Variants in SVEP1 observed in about 807,000 individuals in gnomAD.
SVEP1 encodes the protein sushi, von Willebrand factor type A, EGF and pentraxin domain containing 1, also known as sushi, von Willebrand factor type A, EGF and pentraxin domain-containing protein 1.
A neutral mutation model predicts 367.3 loss-of-function variants in SVEP1; 164 were observed. The ratio of observed to expected loss-of-function variants is 0.45; its 90% confidence interval spans 0.39 to 0.51. The LOEUF (loss-of-function observed/expected upper bound fraction) is 0.51. Ranked by LOEUF, SVEP1 falls within the 20% of genes least tolerant of loss-of-function variation. SVEP1 has a pLI of 0.00. For synonymous variants in SVEP1, 1,666 were observed against 1,611.6 expected (o/e 1.03, Z -0.81); for missense variants, 4,117 against 4,425.3 (o/e 0.93, Z 1.98).
At chr9:110,500,420 T>C (rs970470191) in intron 6 of SVEP1, among the ~76,000 whole-genome samples, 13 of 152,328 alleles carry the variant, frequency 8.5e-5, no homozygotes, top group Non-Finnish European at 1.6e-4. Flanking sequence ...TGTTTGTTTA[T>C]GGTACTTACG....
In SVEP1 at chr9:110,448,593, T is replaced by C. The variant is rs905484013; in HGVS notation, c.4103+1466A>G. ...GTTTGGTGTCATTACAACACTATCA[T>C]ATCCTCATCTATGAAATAGATTCAC... On this transcript the variant is annotated intron_variant, in intron 24 of 47. Transcript: ENST00000374469. 7.0e-4 allele frequency among the ~76,000 whole-genome samples: 106 copies of C among 152,242 alleles called. 1 individual carries two copies. The highest frequency in any genetic ancestry group is 6.9e-3 in the Admixed American group (106 of 15,290).
intron 1 of SVEP1, among the ~76,000 whole-genome samples, chr9:110,553,379 T>C (rs1487051308): frequency 3.3e-5 from 5 of 152,226 alleles, no homozygotes; most frequent in African/African-American, 1.2e-4. Flanking sequence ...AAATTAAATT[T>C]AGTATTGGGG....
chr9:110,394,809 A>G (rs1199553417), intron 40 of SVEP1, among the ~76,000 whole-genome samples: 1 of 152,184 alleles, frequency 6.6e-6, no homozygotes, highest in African/African-American at 2.4e-5. Flanking sequence ...AGAAAAAAGA[A>G]TAAAAAGAAA....
At chr9:110,381,705 G>A (rs1766759171) in intron 43 of SVEP1, among the ~76,000 whole-genome samples, 1 of 152,138 alleles carries the variant, frequency 6.6e-6, no homozygotes, top group South Asian at 2.1e-4. Flanking sequence ...TGTCTATCAA[G>A]ACCACTTGAT....
Position 110,391,619 on chromosome 9 carries a change from T to C in SVEP1, c.9823-2032A>G, listed in dbSNP as rs186856720. ...GAAGTATTAATAGATAATTAACCTTTAAACTTTTGGAAACATCCTGGTATT... is the reference window on the plus strand; with the variant it reads ...GAAGTATTAATAGATAATTAACCTTCAAACTTTTGGAAACATCCTGGTATT... On this transcript the variant is annotated intron_variant, in intron 40 of 47. Coordinates refer to ENST00000374469, the MANE Select transcript of SVEP1 (RefSeq NM_153366.4). Among the ~76,000 whole-genome samples the C allele has an allele frequency of 4.5e-3, 692 of 152,206 alleles. 3 individuals carry two copies. The highest frequency in any genetic ancestry group is 0.014 in the Middle Eastern group (4 of 294).
rs1419718050 is a variant in SVEP1 at position 110,528,154 on chromosome 9, GTGTATATATATATA to G, written c.965-14062_965-14049del. Among the ~76,000 whole-genome samples the G allele has an allele frequency of 3.5e-4, 9 of 25,704 alleles. 1 individual carries two copies. The highest frequency in any genetic ancestry group is 7.7e-4 in the African/African-American group (8 of 10,342). The allele number at this position is 25,704 out of a possible 152,430, so 16.9% of individuals were successfully genotyped here. ...CACGTGTGTGTGTGTGTGTGTGTGT[GTGTATATATATATA>G]TATATATATATATATATATGCCACA... On this transcript the variant is annotated intron_variant, in intron 3 of 47. Transcript: ENST00000374469.
intron 40 of SVEP1, among the ~76,000 whole-genome samples, chr9:110,391,518 C>T (rs10817005): frequency 0.31 from 46,427 of 151,920 alleles, 7,199 homozygotes; most frequent in Middle Eastern, 0.33. Context: ...GTGACCTACC[C>T]GCCTCAGCCT....
rs181096740 is a variant in SVEP1, at chr9:110,479,659, T to C, written c.2463A>G (p.Ala821=). The C allele has an allele frequency of 4.0e-5, 65 of 1,609,902 alleles. No homozygotes were observed. The East Asian group carries it at 1.4e-3, about 34-fold the overall frequency. ...CCATTTTTCCCAGGGTCGTCTCAAA[T>C]GCTTCAGAAAACTTCTTCATCAGAT... ...DTDLMKKFSE[A]FETTLGKMVP... is the part of the protein sequence containing the mutation. Residue 821 remains alanine, a synonymous_variant, in exon 13 of 48, where the codon GCA becomes GCG. Coordinates refer to ENST00000374469, the MANE Select transcript of SVEP1 (RefSeq NM_153366.4).
Position 110,427,649 on chromosome 9 carries a change from CA to C in SVEP1, c.5916del (p.Val1973SerfsTer81). On this transcript the variant is annotated frameshift_variant, in exon 36 of 48. Transcript: ENST00000374469. LOFTEE classifies it high-confidence loss of function. Reference sequence around the variant, plus strand: ...AAAGTGAAGTTATTCCCCGTAATGACAGCATCTTTGATGGCAGGTGGTTCTC... The same window carrying C: ...AAAGTGAAGTTATTCCCCGTAATGACGCATCTTTGATGGCAGGTGGTTCTC... ...FCGEPPAIKD[A>X]VITGNNFTFR... 6.2e-7 allele frequency: 1 copy of C among 1,613,950 alleles called. No homozygotes were observed. The highest frequency in any genetic ancestry group is 8.5e-7 in the Non-Finnish European group (1 of 1,179,868).
At chr9:110,375,265 T>C in intron 46 of SVEP1, 103 bp downstream of exon 46, 2 of 1,034,252 alleles carry the variant, frequency 1.9e-6, no homozygotes, top group Middle Eastern at 2.1e-4. Context: ...ATCAGTACTT[T>C]TTCATTTTGC....
chr9:110,474,125 C>T (rs545210202), intron 14 of SVEP1, among the ~76,000 whole-genome samples: 21 of 152,166 alleles, frequency 1.4e-4, no homozygotes, highest in African/African-American at 4.6e-4. Context: ...CTCAGCCTCC[C>T]GAGTAGCTGG....
In SVEP1 at chr9:110,386,019, C is replaced by A. The variant is rs751103576; in HGVS notation, c.10116G>T (p.Lys3372Asn). ...ACACATTCTGATCAACATAAAACTCCTTTTCAGACAGCAGAGCATTCTCGG... is the reference window on the plus strand; with the variant it reads ...ACACATTCTGATCAACATAAAACTCATTTTCAGACAGCAGAGCATTCTCGG... ...VIPENALLSE[K>N]EFYVDQNVSI... Residue 3372 changes from lysine (K) to asparagine (N), a missense_variant, in exon 43 of 48, where the codon AAG becomes AAT. Coordinates refer to ENST00000374469, the MANE Select transcript of SVEP1 (RefSeq NM_153366.4). 4.3e-5 allele frequency: 70 copies of A among 1,613,598 alleles called. No homozygotes were observed. Among genetic ancestry groups the A allele is most frequent in the Non-Finnish European group, 5.8e-5 (68 of 1,179,774 alleles).
At chr9:110,429,679 C>T (rs1315414456) in intron 34 of SVEP1, among the ~76,000 whole-genome samples, 1 of 151,886 alleles carries the variant, frequency 6.6e-6, no homozygotes, top group African/African-American at 2.4e-5. Context: ...TCTCAGGGTG[C>T]CTCAAGGGGG....
chr9:110,414,645 A>T (rs1828091200), intron 36 of SVEP1, among the ~76,000 whole-genome samples: 1 of 152,078 alleles, frequency 6.6e-6, no homozygotes, highest in Non-Finnish European at 1.5e-5. Context: ...AATAATTTTC[A>T]GATGCAATTT....
chr9:110,432,586 G>A lies in SVEP1; in HGVS notation c.5109C>T (p.Ala1703=), dbSNP rs373859051. ...PPPLENGFHS[A]DDFYAGSTVT... is the part of the protein sequence containing the mutation. ...CTGTGCTGCCAGCATAGAAGTCATC[G>A]GCTGAATGGAAGCCATTCTCCAAAG... Residue 1703 remains alanine (A), a synonymous_variant, in exon 31 of 48, where the codon GCC becomes GCT. Coordinates refer to ENST00000374469, the MANE Select transcript of SVEP1 (RefSeq NM_153366.4). The A allele has an allele frequency of 8.7e-6, 14 of 1,613,668 alleles. No individual in the cohort carries two copies. Among genetic ancestry groups the A allele is most frequent in the Middle Eastern group, 1.6e-4 (1 of 6,076 alleles).
intron 30 of SVEP1, among the ~76,000 whole-genome samples, chr9:110,433,903 A>G (rs1588051242): frequency 6.6e-6 from 1 of 152,312 alleles, no homozygotes; most frequent in East Asian, 1.9e-4. Flanking sequence ...TGTAAACTAC[A>G]TAAGAATAGG....
intron 43 of SVEP1, among the ~76,000 whole-genome samples, chr9:110,383,945 C>T (rs1827482141): frequency 7.6e-6 from 1 of 131,020 alleles, no homozygotes; most frequent in African/African-American, 3.0e-5. Flanking sequence ...ATTGCCCAGT[C>T]TCCCTGGCAC....
chr9:110,430,789 C>T (rs1828339390), intron 32 of SVEP1, among the ~76,000 whole-genome samples: 1 of 152,042 alleles, frequency 6.6e-6, no homozygotes, highest in African/African-American at 2.4e-5. Flanking sequence ...CTCTTCATAC[C>T]CAGTTTTTCA....
Position 110,579,520 on chromosome 9 carries a change from A to G in SVEP1, c.24T>C (p.Cys8=). ...CCGAAACGAGCGCCAGACCCCAGCAACAAAAGGCCAGGCGAGGCCACATCG... is the reference window on the plus strand; with the variant it reads ...CCGAAACGAGCGCCAGACCCCAGCAGCAAAAGGCCAGGCGAGGCCACATCG... MWPRLAF[C]CWGLALVSGW... Residue 8 remains cysteine (C), a synonymous_variant, in exon 1 of 48, where the codon TGT becomes TGC. Coordinates refer to ENST00000374469, the MANE Select transcript of SVEP1 (RefSeq NM_153366.4). This position sits in a 1 kb window ranked among gnomAD's most constrained non-coding sequence, Gnocchi z 5.3. The G allele has an allele frequency of 6.2e-7, 1 of 1,604,106 alleles. No individual in the cohort carries two copies. The highest frequency in any genetic ancestry group is 8.5e-7 in the Non-Finnish European group (1 of 1,176,568).
Sources: gnomAD v4.1 joint callset for allele counts (sites outside exome capture counted in the v4.1 genomes callset) on GRCh38, gnomAD v4.1.1 for gene constraint, Gnocchi (gnomAD v3.1) non-coding constraint, MANE v1.5 for transcripts, NCBI Gene and HGNC (gene_info 2026-07-23, HGNC 2026-07-21) for gene names.